LINGO2: variants seen among roughly 807,000 people sequenced by gnomAD.
LINGO2 encodes the protein leucine rich repeat and Ig domain containing 2, also known as leucine-rich repeat and immunoglobulin-like domain-containing nogo receptor-interacting protein 2.
In LINGO2, 14 loss-of-function variants were observed where a neutral mutation model predicts 30.6. That is an observed-to-expected ratio of 0.46 (90% CI 0.30 to 0.72). The LOEUF (loss-of-function observed/expected upper bound fraction) is 0.72. Ranked by LOEUF, LINGO2 falls within the 30% of genes least tolerant of loss-of-function variation. The pLI, the probability that LINGO2 is intolerant of heterozygous loss-of-function variation, is 0.07. For synonymous variants in LINGO2, 317 were observed against 288.5 expected (o/e 1.10, Z -1.00); for missense variants, 729 against 751.7 (o/e 0.97, Z 0.35).
At chr9:28,838,514 A>G in the LINGO2 span, among the ~76,000 whole-genome samples, 1 of 152,196 alleles carries the variant, frequency 6.6e-6, no homozygotes, top group Non-Finnish European at 1.5e-5. Context: ...TCCCAAAACC[A>G]AAAGTTTAAC....
At chr9:28,346,070 C>A (rs976449255) in intron 3 of LINGO2, among the ~76,000 whole-genome samples, 1 of 152,042 alleles carries the variant, frequency 6.6e-6, no homozygotes, top group African/African-American at 2.4e-5. Context: ...TTTAAAAAAG[C>A]TTTTATTTTA....
rs562168407 is a variant in LINGO2 at position 28,384,625 on chromosome 9, A to G, written c.-278-11757T>C. Among the ~76,000 whole-genome samples the G allele has an allele frequency of 3.3e-5, 5 of 152,110 alleles. No homozygotes were observed. The South Asian group carries it at 1.0e-3, about 32-fold the overall frequency. ...TCTGTCATGTTGGCATTATCATTCT[A>G]GACTTTTAATTCTGTGTTAGTGCTT... is the stretch of plus-strand genomic sequence containing the variant. On this transcript the variant is annotated intron_variant, in intron 2 of 5. Coordinates refer to ENST00000379992, the Ensembl canonical transcript of LINGO2.
the LINGO2 span, among the ~76,000 whole-genome samples, chr9:29,194,414 T>C: frequency 1.3e-5 from 2 of 152,306 alleles, no homozygotes; most frequent in African/African-American, 2.4e-5. Context: ...ATTAGTCCTA[T>C]GTTTCTGATG....
At chr9:28,369,170 C>A (rs1440662868) in intron 3 of LINGO2, among the ~76,000 whole-genome samples, 1 of 152,114 alleles carries the variant, frequency 6.6e-6, no homozygotes, top group Non-Finnish European at 1.5e-5. Flanking sequence ...AGCTCAGACT[C>A]CTTTTCATTA....
At chr9:28,789,384 A>G in the LINGO2 span, among the ~76,000 whole-genome samples, 1 of 152,222 alleles carries the variant, frequency 6.6e-6, no homozygotes, top group Admixed American at 6.5e-5. Context: ...TAGATAACTG[A>G]GAACATTTTA....
At chr9:28,449,833 C>T (rs145631489) in intron 2 of LINGO2, among the ~76,000 whole-genome samples, 32 of 152,180 alleles carry the variant, frequency 2.1e-4, no homozygotes, top group African/African-American at 7.5e-4. Context: ...CTTGGTGACA[C>T]CATCCACTGA....
chr9:28,098,651 C>A (rs1826320398), intron 4 of LINGO2, among the ~76,000 whole-genome samples: 1 of 152,114 alleles, frequency 6.6e-6, no homozygotes, highest in African/African-American at 2.4e-5. Flanking sequence ...GGCCAAGGCA[C>A]ATGTGAATTA....
chr9:28,102,146 T>C (rs76885624), intron 4 of LINGO2, among the ~76,000 whole-genome samples: 1,772 of 151,138 alleles, frequency 0.012, 19 homozygotes, highest in Non-Finnish European at 0.02. Context: ...TCAATTAAAA[T>C]CAGCTTAGAA....
At chr9:28,444,168 G>A (rs1048357563) in intron 2 of LINGO2, among the ~76,000 whole-genome samples, 5 of 152,120 alleles carry the variant, frequency 3.3e-5, no homozygotes, top group South Asian at 2.1e-4. Flanking sequence ...TATGGGACAC[G>A]AACTCAGGAT....
chr9:28,489,903 A>AAG (rs1399396606), intron 1 of LINGO2, among the ~76,000 whole-genome samples: 1 of 150,804 alleles, frequency 6.6e-6, no homozygotes, highest in Non-Finnish European at 1.5e-5. Context: ...TCTCAAAAAA[A>AAG]AAAAAAAAAA....
chr9:27,992,869 A>G (rs1227021512), intron 5 of LINGO2, among the ~76,000 whole-genome samples: 1 of 152,120 alleles, frequency 6.6e-6, no homozygotes, highest in East Asian at 1.9e-4. Flanking sequence ...GAGACACAAA[A>G]GGATACTGAC....
the LINGO2 span, among the ~76,000 whole-genome samples, chr9:28,861,173 ATATT>A: frequency 2.1e-5 from 2 of 97,054 alleles, no homozygotes; most frequent in Admixed American, 2.6e-4. Flanking sequence ...TATATAAAAT[ATATT>A]TATATTAATA....
At position 28,126,030 on chromosome 9, in the gene LINGO2, G is replaced by A. The variant is rs1231701755; in HGVS notation, c.-86-113625C>T. ...TCTTAACAAGGCTGATTTAAATAAA[G>A]GGCCTTAAATACTAAGCAGCTCTGT... On this transcript the variant is annotated intron_variant, in intron 4 of 5. Coordinates refer to ENST00000379992, the Ensembl canonical transcript of LINGO2. Among the ~76,000 whole-genome samples, 6 of 152,032 alleles carry A rather than the reference G, an allele frequency of 3.9e-5. No homozygotes were observed. The East Asian group carries it at 1.2e-3, about 29-fold the overall frequency.
chr9:29,063,983 C>G, the LINGO2 span, among the ~76,000 whole-genome samples: 2 of 152,100 alleles, frequency 1.3e-5, no homozygotes, highest in Non-Finnish European at 2.9e-5. Flanking sequence ...AAGTCAGTTA[C>G]TATGGCCATC....
At chr9:28,466,459 G>A (rs1825306320) in intron 2 of LINGO2, among the ~76,000 whole-genome samples, 1 of 152,124 alleles carries the variant, frequency 6.6e-6, no homozygotes, top group African/African-American at 2.4e-5. Context: ...TTTGGGAAGG[G>A]TAGGTGGAAG....
At chr9:28,744,285 C>T in the LINGO2 span, among the ~76,000 whole-genome samples, 19 of 152,008 alleles carry the variant, frequency 1.2e-4, no homozygotes, top group South Asian at 1.2e-3. Flanking sequence ...ATTCTTTCAG[C>T]GTACTTATAA....
intron 4 of LINGO2, among the ~76,000 whole-genome samples, chr9:28,062,921 AC>A (rs1198981757): frequency 5.9e-5 from 9 of 152,056 alleles, no homozygotes; most frequent in Non-Finnish European, 1.3e-4. Context: ...GCTGTAGGCA[AC>A]CACGAATTTA....
chr9:28,729,621 A>T, the LINGO2 span, among the ~76,000 whole-genome samples: 5 of 151,674 alleles, frequency 3.3e-5, no homozygotes, highest in Admixed American at 3.3e-4. Context: ...ATGAAAACTT[A>T]AAAAAAACAG....
chr9:28,922,529 A>G, the LINGO2 span, among the ~76,000 whole-genome samples: 1 of 152,210 alleles, frequency 6.6e-6, no homozygotes, highest in Admixed American at 6.6e-5. Flanking sequence ...AAACTGCGTA[A>G]TAACCTTATT....
Sources: gnomAD v4.1 joint callset for allele counts (sites outside exome capture counted in the v4.1 genomes callset) on GRCh38, gnomAD v4.1.1 for gene constraint, MANE v1.5 for transcripts, NCBI Gene and HGNC (gene_info 2026-07-23, HGNC 2026-07-21) for gene names.